ZNF141: variants seen among roughly 807,000 people sequenced by gnomAD.
The protein encoded by ZNF141 is zinc finger protein 141 (clone pHZ-44).
Under a neutral mutation model 11.3 loss-of-function variants are expected in ZNF141, and 7 were observed. The ratio of observed to expected loss-of-function variants is 0.62; its 90% CI spans 0.35 to 1.16. The LOEUF is 1.16. Ranked by LOEUF, ZNF141 falls within the 50% of genes most tolerant of loss-of-function variation. The pLI is 0.02. For synonymous variants in ZNF141, 183 were observed against 190.7 expected, an observed-to-expected ratio of 0.96 and a Z score of 0.33; for missense variants, 535 against 554.0, an observed-to-expected ratio of 0.97 and a Z score of 0.34.
At chr4:345,138 G>T (rs1721259883) in intron 3 of ZNF141, among the ~76,000 whole-genome samples, 3 of 152,220 alleles carry the variant, frequency 2.0e-5, no homozygotes, top group Admixed American at 1.3e-4. Context: ...CGTGAGTAGT[G>T]GACATAGTGG....
At chr4:343,740 A>T in intron 1 of ZNF141, 42 bp from the exon 2 acceptor site, 1 of 1,415,034 alleles carries the variant, frequency 7.1e-7, no homozygotes, top group South Asian at 1.4e-5. Context: ...AAAAAAAAAA[A>T]AAAAAAAAGA....
At chr4:343,673 C>T (rs1341435912) in intron 1 of ZNF141, 109 bp from the exon 2 acceptor site, 46 of 1,247,140 alleles carry the variant, frequency 3.7e-5, no homozygotes, top group South Asian at 7.1e-5. Flanking sequence ...TGCAGTGAGC[C>T]GAGACTGCGC....
intron 3 of ZNF141, among the ~76,000 whole-genome samples, chr4:358,960 G>A (rs1214385498): frequency 6.6e-6 from 1 of 152,136 alleles, no homozygotes; most frequent in African/African-American, 2.4e-5. Flanking sequence ...TGTTCCTGGA[G>A]CATTTTTAGT....
intron 3 of ZNF141, among the ~76,000 whole-genome samples, chr4:362,658 T>C (rs782081294): frequency 1.3e-5 from 2 of 152,230 alleles, no homozygotes; most frequent in Non-Finnish European, 2.9e-5. Flanking sequence ...TTCTTGTTTT[T>C]GTCACATTTG....
chr4:361,770 T>G (rs1345783001), intron 3 of ZNF141, among the ~76,000 whole-genome samples: 11 of 152,236 alleles, frequency 7.2e-5, no homozygotes, highest in Non-Finnish European at 7.3e-5. Flanking sequence ...CTTAATCCAG[T>G]CTATCATTGA....
intron 3 of ZNF141, among the ~76,000 whole-genome samples, chr4:365,454 A>G (rs950159310): frequency 1.3e-5 from 2 of 152,184 alleles, no homozygotes; most frequent in African/African-American, 4.8e-5. Flanking sequence ...AGCCGTTCCT[A>G]TTCAGCCATC....
chr4:380,620 C>T lies in ZNF141; in HGVS notation c.*6758C>T, dbSNP rs544058054. ...TGAGCCAAGATCATGCCATTGCACT[C>T]CAGCCTGGGTGACAAGAGCAAAACT... is the stretch of plus-strand genomic sequence containing the variant. On this transcript the variant is annotated 3_prime_UTR_variant, in exon 4 of 4. Coordinates refer to ENST00000240499, the MANE Select transcript of ZNF141 (RefSeq NM_003441.4). 1.9e-4 allele frequency among the ~76,000 whole-genome samples: 28 copies of T among 150,352 alleles called. No homozygotes were observed. Among genetic ancestry groups the T allele is most frequent in the Non-Finnish European group, 2.9e-4 (20 of 68,006 alleles).
At position 372,696 on chromosome 4, in the gene ZNF141, C is replaced by A; in HGVS notation, c.259C>A (p.Pro87Thr). 1 of 1,569,838 alleles carries A rather than the reference C, an allele frequency of 6.4e-7. No individual in the cohort carries two copies. The highest frequency in any genetic ancestry group is 2.3e-5 in the East Asian group (1 of 44,390). ...MCSHFTQDHW[P>T]VQGIEDSFHK... The stretch of plus-strand genomic sequence containing the variant: ...TTCTCATTTCACCCAAGACCATTGG[C>A]CAGTGCAGGGCATAGAAGATTCATT... The change falls in exon 4 of 4, where the codon CCA becomes ACA. Residue 87 changes from proline (P) to threonine (T), a missense_variant. By Grantham distance (38) the Pro-to-Thr change is conservative (BLOSUM62 -1). Coordinates refer to ENST00000240499, the MANE Select transcript of ZNF141 (RefSeq NM_003441.4).
Position 384,200 on chromosome 4 carries a change from G to A in ZNF141, c.*10338G>A, listed in dbSNP as rs1445079992. 5 of 152,232 alleles carry A rather than the reference G, an allele frequency of 3.3e-5. No homozygotes were observed. The highest frequency in any genetic ancestry group is 7.3e-5 in the Non-Finnish European group (5 of 68,062). The allele number at this position is 152,232 out of a possible 1,614,324, so 9.4% of individuals were successfully genotyped here. On this transcript the variant is annotated 3_prime_UTR_variant, in exon 4 of 4. Coordinates refer to ENST00000240499, the MANE Select transcript of ZNF141 (RefSeq NM_003441.4). ...CCAAAGATAAATAGCAAAACAAGAA[G>A]TTTGCCTTTAATCTATTCCCTCCAC...
rs1712139971 is a variant in ZNF141, at chr4:372,852, A to G, written c.415A>G (p.Thr139Ala). ...TAATGAATTTAATGAATGCTTGTCAACTACCCAGAGCAAAATACTTCAGTG... is the reference window on the plus strand; with the variant it reads ...TAATGAATTTAATGAATGCTTGTCAGCTACCCAGAGCAAAATACTTCAGTG... ...GYNEFNECLS[T>A]TQSKILQCKA... The change falls in exon 4 of 4, where the codon ACT becomes GCT. Residue 139 changes from threonine to alanine, a missense_variant. Thr to Ala is a moderately conservative substitution (Grantham distance 58, BLOSUM62 0). Coordinates refer to ENST00000240499, the MANE Select transcript of ZNF141 (RefSeq NM_003441.4). 6.2e-7 allele frequency: 1 copy of G among 1,612,878 alleles called. No individual in the cohort carries two copies. The highest frequency in any genetic ancestry group is 8.5e-7 in the Non-Finnish European group (1 of 1,179,152).
chr4:347,916 C>G (rs1721414140), intron 3 of ZNF141, among the ~76,000 whole-genome samples: 1 of 151,274 alleles, frequency 6.6e-6, no homozygotes, highest in South Asian at 2.1e-4. Flanking sequence ...ACGATCTTTG[C>G]TCACTGCAAC....
At chr4:370,814 T>C (rs910733597) in intron 3 of ZNF141, among the ~76,000 whole-genome samples, 5 of 152,088 alleles carry the variant, frequency 3.3e-5, no homozygotes, top group Admixed American at 1.3e-4. Context: ...CACTGCAAGC[T>C]CCGCCTCCCA....
intron 3 of ZNF141, chr4:358,605 G>A (rs113243205): frequency 0.028 from 4,332 of 155,948 alleles, 203 homozygotes; most frequent in African/African-American, 0.098. Flanking sequence ...TTGAGATGGA[G>A]TCTTGTTCTG....
chr4:359,154 G>T (rs1721993169), intron 3 of ZNF141, among the ~76,000 whole-genome samples: 1 of 152,160 alleles, frequency 6.6e-6, no homozygotes, highest in African/African-American at 2.4e-5. Flanking sequence ...AACTGCATTG[G>T]ATCCTGGTCA....
rs1455796545 is a variant in ZNF141 at position 380,968 on chromosome 4, C to T, written c.*7106C>T. Reference sequence around the variant, plus strand: ...TAAACCATATAAACTCTAGAATTGCCCTTCGATACTGACGTACTTGGGAAC... The same window carrying T: ...TAAACCATATAAACTCTAGAATTGCTCTTCGATACTGACGTACTTGGGAAC... On this transcript the variant is annotated 3_prime_UTR_variant, in exon 4 of 4. Coordinates refer to ENST00000240499, the MANE Select transcript of ZNF141 (RefSeq NM_003441.4). Among the ~76,000 whole-genome samples the T allele has an allele frequency of 2.6e-5, 4 of 151,990 alleles. No individual in the cohort carries two copies. Among genetic ancestry groups the T allele is most frequent in the African/African-American group, 9.7e-5 (4 of 41,378 alleles).
chr4:351,094 T>C (rs1264092248), intron 3 of ZNF141, among the ~76,000 whole-genome samples: 3 of 151,906 alleles, frequency 2.0e-5, no homozygotes, highest in Non-Finnish European at 4.4e-5. Flanking sequence ...CCTCTCACTC[T>C]TGTCTTGCTC....
intron 3 of ZNF141, among the ~76,000 whole-genome samples, chr4:354,997 A>C (rs1721776737): frequency 1.3e-5 from 2 of 152,114 alleles, no homozygotes; most frequent in Non-Finnish European, 2.9e-5. Flanking sequence ...GTGTTTGAGA[A>C]GAATATAAAT....
At chr4:366,313 G>A (rs1553852919) in intron 3 of ZNF141, among the ~76,000 whole-genome samples, 1 of 151,988 alleles carries the variant, frequency 6.6e-6, no homozygotes, top group African/African-American at 2.4e-5. Flanking sequence ...CAATTTTGTT[G>A]TTGTTTGCTT....
intron 3 of ZNF141, among the ~76,000 whole-genome samples, chr4:357,400 T>TA (rs1721892079): frequency 6.7e-6 from 1 of 149,576 alleles, no homozygotes; most frequent in Admixed American, 6.7e-5. Flanking sequence ...GCCTGAGTGA[T>TA]AGAGTGAGAC....
Sources: allele counts gnomAD v4.1 joint callset (sites outside exome capture counted in the v4.1 genomes callset), GRCh38; gene constraint gnomAD v4.1.1; transcripts MANE v1.5; gene names NCBI Gene and HGNC (gene_info 2026-07-23, HGNC 2026-07-21).